Variants in LUC7L2 observed in about 807,000 individuals in gnomAD.
LUC7L2 encodes LUC7 like 2, pre-mRNA splicing factor, also known as putative RNA-binding protein Luc7-like 2.
Under a neutral mutation model 52.8 loss-of-function variants are expected in LUC7L2, and 25 were observed. The ratio of observed to expected loss-of-function variants is 0.47; its 90% CI spans 0.34 to 0.66. The LOEUF is 0.66. LUC7L2 is among the 30% of genes least tolerant of loss of function. The pLI, the probability that LUC7L2 is intolerant of heterozygous loss-of-function variation, is 0.01. For synonymous variants in LUC7L2, 144 were observed against 160.9 expected, an observed-to-expected ratio of 0.89 and a Z score of 0.80; for missense variants, 328 against 497.8, an observed-to-expected ratio of 0.66 and a Z score of 3.25.
At chr7:139,369,317 C>G (rs1800323705) in intron 1 of LUC7L2, among the ~76,000 whole-genome samples, 1 of 152,108 alleles carries the variant, frequency 6.6e-6, no homozygotes, top group Non-Finnish European at 1.5e-5. Context: ...AAAATAAATT[C>G]TATATAACCT....
intron 2 of LUC7L2, among the ~76,000 whole-genome samples, chr7:139,377,112 A>G (rs1225337211): frequency 6.6e-6 from 1 of 152,222 alleles, no homozygotes; most frequent in African/African-American, 2.4e-5. Flanking sequence ...TTTAAAGTAT[A>G]ATACTACAAA....
chr7:139,394,528 T>C (rs1794580455), intron 2 of LUC7L2, among the ~76,000 whole-genome samples: 1 of 152,234 alleles, frequency 6.6e-6, no homozygotes, highest in Non-Finnish European at 1.5e-5. Context: ...GCAGGGAGCC[T>C]AGAATTATTG....
intron 2 of LUC7L2, among the ~76,000 whole-genome samples, chr7:139,378,425 A>AT (rs1240039193): frequency 6.6e-6 from 1 of 152,012 alleles, no homozygotes; most frequent in Non-Finnish European, 1.5e-5. Context: ...TAAAAAAAAA[A>AT]TTAGCCTGGC....
At position 139,371,561 on chromosome 7, in the gene LUC7L2, G is replaced by C. The variant is rs1279872446; in HGVS notation, c.62-4501G>C. ...GGGAGGGAGAGGGTGGGTAGTACTGGGGGGAGGGGGCGGATATTGGGAAGA... is the reference window on the plus strand; with the variant it reads ...GGGAGGGAGAGGGTGGGTAGTACTGCGGGGAGGGGGCGGATATTGGGAAGA... On this transcript the variant is annotated intron_variant, in intron 1 of 9. Transcript: ENST00000354926. 6 of 1,315,756 alleles carry C rather than the reference G, an allele frequency of 4.6e-6. No homozygotes were observed. In the East Asian group the frequency reaches 8.1e-5, roughly 18 times the overall value. 81.5% of individuals were successfully genotyped at this position (1,315,756 alleles called of 1,614,324 possible). A position where few individuals can be genotyped will look rare whatever the true frequency, so the allele number is the denominator to read the frequency against.
At chr7:139,343,137 A>G (rs1269126241) in intron 1 of LUC7L2, among the ~76,000 whole-genome samples, 5 of 152,218 alleles carry the variant, frequency 3.3e-5, no homozygotes, top group African/African-American at 1.2e-4. Flanking sequence ...AACCGAATCA[A>G]GAGCAGTATT....
chr7:139,352,931 C>T (rs1165590305), intron 1 of LUC7L2, among the ~76,000 whole-genome samples: 1 of 152,178 alleles, frequency 6.6e-6, no homozygotes, highest in Non-Finnish European at 1.5e-5. Context: ...GGCACGGTGG[C>T]TCATGCTTGC....
At chr7:139,376,277 GT>G in intron 2 of LUC7L2, 121 bp downstream of exon 2, 1 of 995,704 alleles carries the variant, frequency 1.0e-6, no homozygotes, top group South Asian at 1.7e-5. Context: ...ATCCTTTATT[GT>G]TTGTTTATTC....
intron 1 of LUC7L2, among the ~76,000 whole-genome samples, chr7:139,371,743 A>G (rs1800463534): frequency 6.6e-6 from 1 of 152,254 alleles, no homozygotes; most frequent in African/African-American, 2.4e-5. Context: ...CTCCTGATAT[A>G]TGGAAGGGGA....
chr7:139,358,295 A>G (rs1004599453), upstream of LUC7L2, among the ~76,000 whole-genome samples: 1 of 152,210 alleles, frequency 6.6e-6, no homozygotes, highest in African/African-American at 2.4e-5. Context: ...GGCATGAGCC[A>G]TCCCTCCCAG....
In LUC7L2 at chr7:139,423,035, G is replaced by A. The variant is rs1795965316; in HGVS notation, c.*695G>A. ...ATTGCTATGTTCAGGATGTTCTAGG[G>A]GGTGGGGGCAGGGACTCTTTTCGTA... is the stretch of plus-strand genomic sequence containing the variant. On this transcript the variant is annotated 3_prime_UTR_variant, in exon 10 of 10. Transcript: ENST00000354926. 1 of 398,828 alleles carries A rather than the reference G, an allele frequency of 2.5e-6. No homozygotes were observed. Among genetic ancestry groups the A allele is most frequent in the Non-Finnish European group, 4.4e-6 (1 of 226,026 alleles). The allele number at this position is 398,828 out of a possible 1,614,324, so 24.7% of individuals were successfully genotyped here.
At chr7:139,390,362 G>C (rs1794393072) in intron 2 of LUC7L2, among the ~76,000 whole-genome samples, 1 of 151,514 alleles carries the variant, frequency 6.6e-6, no homozygotes, top group Non-Finnish European at 1.5e-5. Flanking sequence ...CTGGGTTCAA[G>C]TGATTTTCCT....
At chr7:139,407,018 T>TTTTC (rs1795156943) in intron 5 of LUC7L2, among the ~76,000 whole-genome samples, 156 bp from the exon 6 acceptor site, 1 of 149,408 alleles carries the variant, frequency 6.7e-6, no homozygotes, top group African/African-American at 2.5e-5. Flanking sequence ...TTTTTTTTTT[T>TTTTC]TTTTGAGCTG....
At chr7:139,360,987 A>G (rs1283816346) in intron 1 of LUC7L2, among the ~76,000 whole-genome samples, 1 of 152,250 alleles carries the variant, frequency 6.6e-6, no homozygotes, top group East Asian at 1.9e-4. Flanking sequence ...TGTTCAGTAA[A>G]TATTGACAAA....
At chr7:139,400,204 G>A (rs991896865) in intron 3 of LUC7L2, among the ~76,000 whole-genome samples, 3 of 151,994 alleles carry the variant, frequency 2.0e-5, no homozygotes, top group African/African-American at 2.4e-5. Context: ...GCCAGGCGTG[G>A]TGGCTCGTAA....
chr7:139,347,536 G>A (rs1243154532), intron 1 of LUC7L2, among the ~76,000 whole-genome samples: 1 of 151,364 alleles, frequency 6.6e-6, no homozygotes, highest in African/African-American at 2.4e-5. Context: ...GCAGTGAGCC[G>A]AGATTGCACC....
At chr7:139,378,069 C>T (rs1175558713) in intron 2 of LUC7L2, among the ~76,000 whole-genome samples, 3 of 151,432 alleles carry the variant, frequency 2.0e-5, no homozygotes, top group South Asian at 4.2e-4. Context: ...CCTCCTGCCT[C>T]AGCCTCCCAA....
intron 2 of LUC7L2, among the ~76,000 whole-genome samples, chr7:139,377,449 G>T (rs778502922): frequency 6.6e-6 from 1 of 151,322 alleles, no homozygotes; most frequent in South Asian, 2.1e-4. Context: ...GCTGGAGTGC[G>T]GTGGCATGAT....
At chr7:139,382,797 G>A (rs961339661) in intron 2 of LUC7L2, among the ~76,000 whole-genome samples, 22 of 152,248 alleles carry the variant, frequency 1.4e-4, no homozygotes, top group East Asian at 3.9e-4. Flanking sequence ...AGTAGGTTCC[G>A]GGTTTTATCC....
At chr7:139,341,233 G>A in intron 1 of LUC7L2, 2 of 1,350,092 alleles carry the variant, frequency 1.5e-6, no homozygotes, top group South Asian at 1.6e-5. Flanking sequence ...AATAAGGTTC[G>A]GTCAACGGAC....
Sources: gnomAD v4.1 joint callset for allele counts (sites outside exome capture counted in the v4.1 genomes callset) on GRCh38, gnomAD v4.1.1 for gene constraint, MANE v1.5 for transcripts, NCBI Gene and HGNC (gene_info 2026-07-23, HGNC 2026-07-21) for gene names.